The following BAZ2B variants were observed in gnomAD, a reference collection of about 807,000 sequenced individuals.
BAZ2B encodes bromodomain adjacent to zinc finger domain protein 2B.
Under a neutral mutation model 246.0 loss-of-function variants are expected in BAZ2B, and 91 were observed. The observed-to-expected ratio is 0.37, with a 90% confidence interval of 0.31 to 0.44. The LOEUF (loss-of-function observed/expected upper bound fraction) is 0.44, where lower values mean the gene tolerates loss of function less well. Ranked by LOEUF, BAZ2B falls within the 20% of genes least tolerant of loss-of-function variation. The pLI, the probability that BAZ2B is intolerant of heterozygous loss-of-function variation, is 1.00. For missense variants in BAZ2B, 2,332 were observed against 2,533.7 expected (o/e 0.92, Z 1.71); for synonymous variants, 855 against 860.0 (o/e 0.99, Z 0.10).
intron 20 of BAZ2B, among the ~76,000 whole-genome samples, chr2:159,395,202 C>T (rs1212118996): frequency 6.6e-6 from 1 of 152,196 alleles, no homozygotes; most frequent in Admixed American, 6.5e-5. Context: ...CTCTATTCAA[C>T]TGTTTCAATA....
chr2:159,435,379 CAG>C (rs1173748317), intron 8 of BAZ2B: 2 of 149,878 alleles, frequency 1.3e-5, no homozygotes, highest in Admixed American at 6.6e-5. Context: ...TTTTTTGAGA[CAG>C]AGTCTCACTC....
chr2:159,333,315 A>T (rs2065087725), intron 33 of BAZ2B, among the ~76,000 whole-genome samples: 2 of 152,212 alleles, frequency 1.3e-5, no homozygotes. Context: ...GTTTCTAAGG[A>T]AAAAAGATAC....
intron 3 of BAZ2B, among the ~76,000 whole-genome samples, chr2:159,471,859 C>T (rs1238431840): frequency 1.3e-5 from 2 of 151,988 alleles, no homozygotes; most frequent in African/African-American, 4.8e-5. Context: ...TTACATAGAA[C>T]AGGATTTCAA....
intron 1 of BAZ2B, among the ~76,000 whole-genome samples, chr2:159,609,270 A>C (rs1267722357): frequency 6.6e-6 from 1 of 152,206 alleles, no homozygotes; most frequent in African/African-American, 2.4e-5. Flanking sequence ...AAAAAGCAAA[A>C]GAGACTCCTT....
chr2:159,337,532 T>C lies in BAZ2B; in HGVS notation c.5660+35A>G, dbSNP rs778748909. 23 of 1,613,904 alleles carry C rather than the reference T, an allele frequency of 1.4e-5. No individual in the cohort carries two copies. In the East Asian group the frequency reaches 4.7e-4, roughly 33 times the overall value. On this transcript the variant is annotated intron_variant, in intron 32 of 36. Transcript: ENST00000392783. ...ACTGTGCCCACATTATCCAGTTTGA[T>C]CTGAATGGTGGTACTTAAGGGGCTC...
At chr2:159,488,349 A>G (rs1334732489) in intron 2 of BAZ2B, among the ~76,000 whole-genome samples, 1 of 152,182 alleles carries the variant, frequency 6.6e-6, no homozygotes, top group Non-Finnish European at 1.5e-5. Context: ...CTGGGATTAC[A>G]GGTGTTAGCT....
intron 26 of BAZ2B, among the ~76,000 whole-genome samples, chr2:159,373,801 G>C (rs564260000): frequency 6.6e-6 from 1 of 152,248 alleles, no homozygotes; most frequent in South Asian, 2.1e-4. Context: ...TCCAGCCTAG[G>C]TGCCAGAGCA....
chr2:159,407,565 A>G (rs1436489632), intron 14 of BAZ2B, among the ~76,000 whole-genome samples: 2 of 152,232 alleles, frequency 1.3e-5, no homozygotes, highest in Non-Finnish European at 2.9e-5. Flanking sequence ...TTTAGCTAAG[A>G]ACGTAACCAT....
intron 27 of BAZ2B, among the ~76,000 whole-genome samples, chr2:159,369,908 G>C (rs966504493): frequency 6.6e-6 from 1 of 152,070 alleles, no homozygotes; most frequent in African/African-American, 2.4e-5. Flanking sequence ...TGGGTCAAAT[G>C]GTATTTCAAC....
chr2:159,557,550 G>A (rs942895379), intron 1 of BAZ2B, among the ~76,000 whole-genome samples: 2 of 152,040 alleles, frequency 1.3e-5, no homozygotes, highest in Admixed American at 6.5e-5. Flanking sequence ...CCCTCTGCCT[G>A]GAGCAATTGT....
At position 159,471,026 on chromosome 2, in the gene BAZ2B, A is replaced by G. The variant is rs75670373; in HGVS notation, c.145+7549T>C. ...ATTTATGAGTACAGGAATCTGGGGG[A>G]AAAAAAAAACTTAAGAAGGAGTTGT... On this transcript the variant is annotated intron_variant, in intron 3 of 36. Coordinates refer to ENST00000392783, the MANE Select transcript of BAZ2B (RefSeq NM_013450.4). 3.4e-3 allele frequency among the ~76,000 whole-genome samples: 509 copies of G among 148,780 alleles called. 2 individuals are homozygous for G. The highest frequency in any genetic ancestry group is 0.011 in the African/African-American group (458 of 40,418).
chr2:159,702,099 A>G, the BAZ2B span, among the ~76,000 whole-genome samples: 1 of 152,280 alleles, frequency 6.6e-6, no homozygotes, highest in South Asian at 2.1e-4. Flanking sequence ...ATCTGTGCCA[A>G]TTTTGTTCTG....
At chr2:159,526,217 C>T (rs1265807599) in intron 2 of BAZ2B, among the ~76,000 whole-genome samples, 1 of 151,824 alleles carries the variant, frequency 6.6e-6, no homozygotes, top group Non-Finnish European at 1.5e-5. Context: ...AGTAGGAATA[C>T]AAAAATTAAG....
intron 23 of BAZ2B, 124 bp from the exon 24 acceptor site, chr2:159,383,804 G>C: frequency 1.3e-6 from 1 of 758,956 alleles, no homozygotes; most frequent in East Asian, 2.8e-5. Flanking sequence ...TGATACAACT[G>C]ACCTCATGCA....
chr2:159,671,247 T>C, the BAZ2B span, among the ~76,000 whole-genome samples: 1 of 152,218 alleles, frequency 6.6e-6, no homozygotes, highest in Non-Finnish European at 1.5e-5. Flanking sequence ...TGTTCAGAAC[T>C]GCTGACTTAC....
intron 31 of BAZ2B, among the ~76,000 whole-genome samples, chr2:159,341,229 G>A (rs1182281832): frequency 6.9e-6 from 1 of 144,962 alleles, no homozygotes; most frequent in Non-Finnish European, 1.5e-5. Context: ...TTATACTTAT[G>A]TCAGATAAAA....
chr2:159,686,445 C>G, the BAZ2B span, among the ~76,000 whole-genome samples: 1 of 152,028 alleles, frequency 6.6e-6, no homozygotes, highest in Non-Finnish European at 1.5e-5. Flanking sequence ...ATACATAAGG[C>G]AAACCAAAAC....
At chr2:159,325,112 AT>A (rs2063456861) in intron 35 of BAZ2B, among the ~76,000 whole-genome samples, 158 bp from the exon 36 acceptor site, 2 of 5,738 alleles carry the variant, frequency 3.5e-4, no homozygotes, top group African/African-American at 8.3e-4. Context: ...ATATATATAT[AT>A]ATTTTATATA....
the BAZ2B span, among the ~76,000 whole-genome samples, chr2:159,636,496 CAGAACT>C: frequency 6.6e-6 from 1 of 152,114 alleles, no homozygotes; most frequent in Non-Finnish European, 1.5e-5. Context: ...GCATTTGGAT[CAGAACT>C]AGACAGAGGG....
Sources: allele counts gnomAD v4.1 joint callset (sites outside exome capture counted in the v4.1 genomes callset), GRCh38; gene constraint gnomAD v4.1.1; transcripts MANE v1.5; gene names NCBI Gene and HGNC (gene_info 2026-07-23, HGNC 2026-07-21).